The following ZNF37A variants were observed in gnomAD, a reference collection of about 807,000 sequenced individuals.
The protein encoded by ZNF37A is zinc finger protein 37A.
In ZNF37A, 10 loss-of-function variants were observed where a neutral mutation model predicts 12.3. The ratio of observed to expected loss-of-function variants is 0.82; its 90% CI spans 0.50 to 1.38. The LOEUF is 1.38. Among genes scored for constraint, ZNF37A ranks in the 40% most tolerant of loss-of-function variants. ZNF37A has a pLI of 0.00. For missense variants in ZNF37A, 580 were observed against 651.2 expected, an observed-to-expected ratio of 0.89 and a Z score of 1.19; for synonymous variants, 207 against 223.0, an observed-to-expected ratio of 0.93 and a Z score of 0.64.
rs1216587557 is a variant in ZNF37A, at chr10:38,112,787, T to TGGTC, written c.16-1968_16-1967insGGTC. Reference sequence around the variant, plus strand: ...TTTCTTTTCTTTTCTTTTCTTTTCTTTTCTTTTCTTGTCTTGTCTTGTCTT... The same window carrying TGGTC: ...TTTCTTTTCTTTTCTTTTCTTTTCTTGGTCTTCTTTTCTTGTCTTGTCTTGTCTT... On this transcript the variant is annotated intron_variant, in intron 5 of 7. Transcript: ENST00000685332. Among the ~76,000 whole-genome samples, 5 of 59,948 alleles carry TGGTC rather than the reference T, an allele frequency of 8.3e-5. 2 individuals are homozygous for TGGTC. Among genetic ancestry groups the TGGTC allele is most frequent in the Non-Finnish European group, 1.8e-4 (5 of 27,114 alleles). 39.3% of individuals were successfully genotyped at this position (59,948 alleles called of 152,430 possible). A position where few individuals can be genotyped will look rare whatever the true frequency, so the allele number is the denominator to read the frequency against.
chr10:38,125,192 T>C (rs1014834097), downstream of ZNF37A: 19 of 152,296 alleles, frequency 1.2e-4, no homozygotes, highest in Admixed American at 1.2e-3. Flanking sequence ...ATTTACTCAC[T>C]TTAAACTTTG....
chr10:38,117,221 C>T (rs767236642), intron 7 of ZNF37A, 169 bp from the exon 8 acceptor site: 4 of 985,114 alleles, frequency 4.1e-6, no homozygotes, highest in Non-Finnish European at 4.8e-6. Context: ...TAATTTGTTG[C>T]TGCTGTGTTG....
intron 7 of ZNF37A, chr10:38,141,966 C>T (rs149409833): frequency 6.6e-6 from 1 of 152,188 alleles, no homozygotes; most frequent in African/African-American, 2.4e-5. Flanking sequence ...AAAAAGTAAC[C>T]GGGCATAGTG....
At chr10:38,135,050 A>G (rs1363740605) in intron 7 of ZNF37A, among the ~76,000 whole-genome samples, 9 of 152,230 alleles carry the variant, frequency 5.9e-5, no homozygotes, top group Admixed American at 2.0e-4. Flanking sequence ...TCCTAAAGTT[A>G]TAACAATATA....
chr10:38,115,445 C>G (rs920635501), intron 7 of ZNF37A, 155 bp downstream of exon 7: 28 of 1,036,866 alleles, frequency 2.7e-5, no homozygotes, highest in Non-Finnish European at 5.4e-6. Flanking sequence ...TATGCAGTGA[C>G]TCTGAATCAC....
chr10:38,118,936 A>G lies in ZNF37A; in HGVS notation c.*99A>G, dbSNP rs2069521661. On this transcript the variant is annotated 3_prime_UTR_variant, in exon 8 of 8. Transcript: ENST00000685332. Reference sequence around the variant, plus strand: ...TTGCCCTGAAGTCAGTTCTCACAGTATAGAAGAGAACTTAAAGAGGGAAAA... The same window carrying G: ...TTGCCCTGAAGTCAGTTCTCACAGTGTAGAAGAGAACTTAAAGAGGGAAAA... 7.1e-7 allele frequency: 1 copy of G among 1,414,780 alleles called. No homozygotes were observed. Among genetic ancestry groups the G allele is most frequent in the Non-Finnish European group, 9.2e-7 (1 of 1,085,316 alleles). 87.6% of individuals were successfully genotyped at this position (1,414,780 alleles called of 1,614,324 possible). A position where few individuals can be genotyped will look rare whatever the true frequency, so the allele number is the denominator to read the frequency against.
In ZNF37A at chr10:38,112,746, T is replaced by G. The variant is rs1164476808; in HGVS notation, c.16-2009T>G. On this transcript the variant is annotated intron_variant, in intron 5 of 7. Transcript: ENST00000685332. ...TTTACATCCATTTTCTTTTCTTTTC[T>G]TTTCTTTTCTTTTCTTTTCTTTTCT... Among the ~76,000 whole-genome samples the G allele has an allele frequency of 2.4e-3, 251 of 106,420 alleles. 52 individuals carry two copies. The highest frequency in any genetic ancestry group is 8.3e-3 in the Middle Eastern group (2 of 242). 69.8% of individuals were successfully genotyped at this position (106,420 alleles called of 152,430 possible).
intron 7 of ZNF37A, 179 bp downstream of exon 7, chr10:38,115,469 G>C: frequency 1.3e-6 from 1 of 767,692 alleles, no homozygotes; most frequent in Non-Finnish European, 1.9e-6. Flanking sequence ...GCATCTCCCA[G>C]TATCACTTTC....
chr10:38,098,740 A>C (rs2067335783), intron 5 of ZNF37A, among the ~76,000 whole-genome samples: 1 of 152,226 alleles, frequency 6.6e-6, no homozygotes, highest in African/African-American at 2.4e-5. Flanking sequence ...AGCCATACTC[A>C]TGTATTTATG....
At chr10:38,128,841 C>G (rs1341453853), downstream of ZNF37A, among the ~76,000 whole-genome samples, 1 of 152,136 alleles carries the variant, frequency 6.6e-6, no homozygotes, top group Non-Finnish European at 1.5e-5. Flanking sequence ...GCAATCTCCC[C>G]CTCCCGGGTT....
chr10:38,140,571 TAGGC>T (rs2070168873), intron 7 of ZNF37A: 1 of 152,158 alleles, frequency 6.6e-6, no homozygotes, highest in Non-Finnish European at 1.5e-5. Flanking sequence ...AGATGGTAGT[TAGGC>T]AGATAGATAG....
intron 7 of ZNF37A, among the ~76,000 whole-genome samples, chr10:38,134,736 G>A (rs533148319): frequency 6.6e-6 from 1 of 152,318 alleles, no homozygotes; most frequent in South Asian, 2.1e-4. Flanking sequence ...GGCCACTCAG[G>A]GGTCAGGGAC....
Position 38,117,615 on chromosome 10 carries a change from T to C in ZNF37A, c.464T>C (p.Phe155Ser). Reference sequence around the variant, plus strand: ...GAATACAATGAATGTGGGAAAGCTTTCCCTGAGAATTCACTCTTCCTTGTA... The same window carrying C: ...GAATACAATGAATGTGGGAAAGCTTCCCCTGAGAATTCACTCTTCCTTGTA... The part of the protein sequence containing the change: ...SFEYNECGKA[F>S]PENSLFLVHK... Residue 155 changes from phenylalanine to serine, a missense_variant, in exon 8 of 8, where the codon TTC (phenylalanine) becomes TCC (serine). Transcript: ENST00000685332. 1 of 1,613,918 alleles carries C rather than the reference T, an allele frequency of 6.2e-7. No individual in the cohort carries two copies. Among genetic ancestry groups the C allele is most frequent in the Non-Finnish European group, 8.5e-7 (1 of 1,179,970 alleles).
intron 5 of ZNF37A, among the ~76,000 whole-genome samples, chr10:38,109,273 G>A (rs1338853947): frequency 6.6e-6 from 1 of 152,052 alleles, no homozygotes; most frequent in African/African-American, 2.4e-5. Flanking sequence ...AAAGGCCTTC[G>A]AGAAAATTCA....
intron 7 of ZNF37A, among the ~76,000 whole-genome samples, chr10:38,132,864 G>A (rs1287518413): frequency 1.3e-5 from 2 of 150,804 alleles, no homozygotes; most frequent in Non-Finnish European, 2.9e-5. Context: ...GTGACTTTAA[G>A]TAGAGCACTG....
chr10:38,103,296 T>A (rs1282183352), intron 5 of ZNF37A, among the ~76,000 whole-genome samples: 2 of 152,190 alleles, frequency 1.3e-5, no homozygotes, highest in East Asian at 3.9e-4. Flanking sequence ...TTCTTTGTTC[T>A]CTTTGAGCTC....
intron 7 of ZNF37A, among the ~76,000 whole-genome samples, chr10:38,132,529 A>G (rs1590942735): frequency 6.6e-6 from 1 of 152,100 alleles, no homozygotes; most frequent in Non-Finnish European, 1.5e-5. Flanking sequence ...AAATTTTTGC[A>G]TCTATAATTG....
chr10:38,117,505 T>G lies in ZNF37A; in HGVS notation c.354T>G (p.Ser118=). 1 of 1,613,328 alleles carries G rather than the reference T, an allele frequency of 6.2e-7. No homozygotes were observed. Among genetic ancestry groups the G allele is most frequent in the Non-Finnish European group, 8.5e-7 (1 of 1,179,770 alleles). Residue 118 remains serine, a synonymous_variant, in exon 8 of 8, where the codon TCT becomes TCG. Transcript: ENST00000685332. The part of the protein sequence containing the change: ...HEIIHSEEEP[S]EYNKNGNSFW... ...TAATTCATTCTGAAGAGGAACCTTCTGAATATAATAAAAATGGGAACAGCT... is the reference window on the plus strand; with the variant it reads ...TAATTCATTCTGAAGAGGAACCTTCGGAATATAATAAAAATGGGAACAGCT...
Position 38,120,893 on chromosome 10 carries a change from A to G in ZNF37A, c.*2056A>G, listed in dbSNP as rs2069653900. On this transcript the variant is annotated 3_prime_UTR_variant, in exon 8 of 8. Coordinates refer to ENST00000685332, the MANE Select transcript of ZNF37A (RefSeq NM_001324250.3). The stretch of plus-strand genomic sequence containing the variant: ...AAGTAGGATTTTTGTTTTGTTTTGC[A>G]TTTTGCAGTACAAAGGAGAAATGAT... 1 of 152,212 alleles carries G rather than the reference A, an allele frequency of 6.6e-6. No homozygotes were observed. The highest frequency in any genetic ancestry group is 2.1e-4 in the South Asian group (1 of 4,826). The allele number at this position is 152,212 out of a possible 1,614,324, so 9.4% of individuals were successfully genotyped here.
Sources: gnomAD v4.1 joint callset for allele counts (sites outside exome capture counted in the v4.1 genomes callset) on GRCh38, gnomAD v4.1.1 for gene constraint, MANE v1.5 for transcripts, NCBI Gene and HGNC (gene_info 2026-07-23, HGNC 2026-07-21) for gene names.